The following GRIA3 variants were observed in gnomAD, a reference collection of about 807,000 sequenced individuals.
GRIA3 encodes the protein glutamate ionotropic receptor AMPA type subunit 3, also known as glutamate receptor 3.
GRIA3 carries 3 observed loss-of-function variants against 63.0 expected under a neutral mutation model. The ratio of observed to expected loss-of-function variants is 0.05; its 90% CI spans 0.02 to 0.12. The LOEUF is 0.12. GRIA3 is among the 10% of genes least tolerant of loss of function. GRIA3 has a pLI of 1.00. For missense variants in GRIA3, 347 were observed against 700.9 expected (o/e 0.50, Z 5.70); for synonymous variants, 274 against 257.9 (o/e 1.06, Z -0.60).
At chrX:123,483,675 G>A (rs781060524) in intron 15 of GRIA3, among the ~76,000 whole-genome samples, 31 of 112,614 alleles carry the variant, frequency 2.8e-4, no homozygotes, top group Non-Finnish European at 5.1e-4. Flanking sequence ...GCTCACGCCT[G>A]TAATCCCAGC....
intron 13 of GRIA3, 104 bp from the exon 14 acceptor site, chrX:123,479,959 A>C: frequency 6.9e-6 from 4 of 575,865 alleles, no homozygotes; most frequent in Non-Finnish European, 1.2e-5. Flanking sequence ...CTCTGTGGCC[A>C]GGGCCCCCTG....
chrX:123,420,216 T>C (rs2045557192), intron 11 of GRIA3, among the ~76,000 whole-genome samples: 1 of 112,197 alleles, frequency 8.9e-6, no homozygotes, highest in African/African-American at 3.2e-5. Flanking sequence ...ACCATGTTTT[T>C]ACAGCATACT....
intron 13 of GRIA3, among the ~76,000 whole-genome samples, chrX:123,478,739 A>G (rs1209893959): frequency 8.9e-6 from 1 of 112,317 alleles, no homozygotes; most frequent in African/African-American, 3.2e-5. Context: ...AGAAATTTTT[A>G]CAGCATGTTC....
chrX:123,398,581 A>G (rs1007228178), intron 6 of GRIA3, 55 bp from the exon 7 acceptor site: 11 of 1,036,712 alleles, frequency 1.1e-5, no homozygotes, highest in African/African-American at 9.3e-5. Context: ...GAAACAAGGC[A>G]AATTTTGAGG....
At chrX:123,207,595 A>G (rs1048536759) in intron 2 of GRIA3, among the ~76,000 whole-genome samples, 1 of 112,345 alleles carries the variant, frequency 8.9e-6, no homozygotes, top group Non-Finnish European at 1.9e-5. Context: ...GGCAAAGGAT[A>G]TTCTCTTTGC....
At chrX:123,322,416 G>A (rs972114452) in intron 3 of GRIA3, among the ~76,000 whole-genome samples, 5 of 111,716 alleles carry the variant, frequency 4.5e-5, no homozygotes, top group African/African-American at 1.6e-4. Context: ...GCAAAATTGG[G>A]CACGTTAAAG....
At chrX:123,450,455 C>A (rs1476809009) in intron 12 of GRIA3, among the ~76,000 whole-genome samples, 1 of 112,581 alleles carries the variant, frequency 8.9e-6, no homozygotes, top group Non-Finnish European at 1.9e-5. Context: ...TGAAAGCCAG[C>A]ACACCTGGAT....
intron 12 of GRIA3, among the ~76,000 whole-genome samples, chrX:123,434,851 C>T (rs749387885): frequency 2.7e-5 from 3 of 111,783 alleles, no homozygotes; most frequent in South Asian, 3.8e-4. Flanking sequence ...CAACTATGCA[C>T]GCAACTGAAA....
intron 3 of GRIA3, among the ~76,000 whole-genome samples, chrX:123,265,244 A>C (rs910625279): frequency 8.9e-6 from 1 of 112,081 alleles, no homozygotes; most frequent in Non-Finnish European, 1.9e-5. Flanking sequence ...TGACCCTTAA[A>C]TAACATGGGA....
chrX:123,369,660 T>C (rs187652495), intron 5 of GRIA3, among the ~76,000 whole-genome samples: 2 of 112,742 alleles, frequency 1.8e-5, no homozygotes, highest in African/African-American at 6.4e-5. Flanking sequence ...CAGGCATGTC[T>C]GCCTCTCAGC....
rs1361542824 is a variant in GRIA3 at position 123,253,713 on chromosome X, T to C, written c.508+171T>C. 6.1e-6 allele frequency: 3 copies of C among 489,890 alleles called. No homozygotes were observed. The Admixed American group carries it at 1.2e-4, about 19-fold the overall frequency. 40.4% of individuals were successfully genotyped at this position (489,890 alleles called of 1,213,427 possible). A position where few individuals can be genotyped will look rare whatever the true frequency, so the allele number is the denominator to read the frequency against. Reference sequence around the variant, plus strand: ...GATTAAAAAATAAAAGTAATAGTAATTTTAGAACCTAATTTTTCAAGCTAT... The same window carrying C: ...GATTAAAAAATAAAAGTAATAGTAACTTTAGAACCTAATTTTTCAAGCTAT... On this transcript the variant is annotated intron_variant, in intron 3 of 15. Coordinates refer to ENST00000620443, the MANE Select transcript of GRIA3 (RefSeq NM_007325.5).
At chrX:123,272,905 T>A (rs1428143978) in intron 3 of GRIA3, among the ~76,000 whole-genome samples, 2 of 111,481 alleles carry the variant, frequency 1.8e-5, no homozygotes, top group African/African-American at 3.3e-5. Flanking sequence ...AGAGGGAGGA[T>A]AATTTCCTCT....
intron 4 of GRIA3, among the ~76,000 whole-genome samples, chrX:123,349,357 C>T (rs2045077605): frequency 8.9e-6 from 1 of 112,120 alleles, no homozygotes; most frequent in South Asian, 3.7e-4. Context: ...CTTTGCCTCT[C>T]CTGCTGTTTA....
intron 12 of GRIA3, among the ~76,000 whole-genome samples, chrX:123,443,103 C>T (rs778188204): frequency 1.8e-5 from 2 of 111,744 alleles, no homozygotes; most frequent in East Asian, 5.6e-4. Flanking sequence ...CGAATTGGCA[C>T]TGTCGCATTG....
At chrX:123,450,422 T>C (rs1474623825) in intron 12 of GRIA3, among the ~76,000 whole-genome samples, 1 of 112,309 alleles carries the variant, frequency 8.9e-6, no homozygotes, top group African/African-American at 3.2e-5. Flanking sequence ...TGCAGAGTAG[T>C]AGAAAAAAAC....
rs138008123 is a variant in GRIA3 at position 123,403,063 on chromosome X, G to A, written c.1150G>A (p.Asp384Asn). Reference sequence around the variant, plus strand: ...TGGACGTAGGACAAATTATACCATCGATGTGTATGAAATGAAAGTCAGTGG... The same window carrying A: ...TGGACGTAGGACAAATTATACCATCAATGTGTATGAAATGAAAGTCAGTGG... Reference protein sequence around the residue: ...TYGRRTNYTIDVYEMKVSGSR... With the variant: ...TYGRRTNYTINVYEMKVSGSR... The change falls in exon 8 of 16, where the codon GAT becomes AAT. Residue 384 changes from aspartate to asparagine, a missense_variant. Asp to Asn is a conservative substitution (Grantham distance 23). Transcript: ENST00000620443. 4 of 1,159,663 alleles carry A rather than the reference G, an allele frequency of 3.4e-6. No homozygotes were observed. Among genetic ancestry groups the A allele is most frequent in the Middle Eastern group, 2.4e-4 (1 of 4,236 alleles).
At chrX:123,439,504 T>A (rs1327044059) in intron 12 of GRIA3, among the ~76,000 whole-genome samples, 1 of 111,783 alleles carries the variant, frequency 8.9e-6, no homozygotes, top group African/African-American at 3.3e-5. Flanking sequence ...ATAGCCTGAT[T>A]TATTTGACTC....
chrX:123,465,960 T>G (rs1463341875), intron 13 of GRIA3, among the ~76,000 whole-genome samples: 1 of 111,896 alleles, frequency 8.9e-6, no homozygotes, highest in Non-Finnish European at 1.9e-5. Context: ...CTGCCCACAT[T>G]TTTGATCTAA....
At chrX:123,344,611 T>C (rs1313364116) in intron 4 of GRIA3, among the ~76,000 whole-genome samples, 1 of 111,856 alleles carries the variant, frequency 8.9e-6, no homozygotes, top group African/African-American at 3.3e-5. Flanking sequence ...TCACTTCCAA[T>C]TAAACTACTG....
Sources: gnomAD v4.1 joint callset for allele counts (sites outside exome capture counted in the v4.1 genomes callset) on GRCh38, gnomAD v4.1.1 for gene constraint, MANE v1.5 for transcripts, NCBI Gene and HGNC (gene_info 2026-07-23, HGNC 2026-07-21) for gene names.